QTMAN: variants seen among roughly 807,000 people sequenced by gnomAD.
QTMAN encodes the protein tRNA-queuosine alpha-mannosyltransferase.
the QTMAN span, among the ~76,000 whole-genome samples, chr2:144,210,396 G>T: frequency 5.3e-5 from 8 of 152,146 alleles, no homozygotes; most frequent in Non-Finnish European, 1.2e-4. Context: ...TAAGTAGAAA[G>T]GATCGCTTCA....
the QTMAN span, among the ~76,000 whole-genome samples, chr2:144,069,340 A>G: frequency 6.6e-6 from 1 of 151,744 alleles, no homozygotes; most frequent in Admixed American, 6.6e-5. Flanking sequence ...CTAACCAATG[A>G]CTTCTCCATT....
At chr2:143,957,501 CAAA>C in the QTMAN span, among the ~76,000 whole-genome samples, 1 of 151,966 alleles carries the variant, frequency 6.6e-6, no homozygotes, top group South Asian at 2.1e-4. Flanking sequence ...GAAGCAGAAC[CAAA>C]TGTTAAGGTG....
the QTMAN span, among the ~76,000 whole-genome samples, chr2:144,106,721 T>C: frequency 1.3e-5 from 2 of 152,222 alleles, no homozygotes; most frequent in Non-Finnish European, 1.5e-5. Flanking sequence ...AACAAGGATA[T>C]CCAGCAATTG....
chr2:144,185,902 G>A, the QTMAN span, among the ~76,000 whole-genome samples: 2 of 152,218 alleles, frequency 1.3e-5, no homozygotes, highest in African/African-American at 4.8e-5. Flanking sequence ...TATAGACATA[G>A]GAAAGATAGT....
At chr2:144,147,740 T>C in the QTMAN span, among the ~76,000 whole-genome samples, 1 of 151,826 alleles carries the variant, frequency 6.6e-6, no homozygotes, top group Non-Finnish European at 1.5e-5. Context: ...ATACCTTTTA[T>C]GATGGGGAAA....
chr2:144,231,330 A>C, the QTMAN span, among the ~76,000 whole-genome samples: 1 of 152,154 alleles, frequency 6.6e-6, no homozygotes, highest in Non-Finnish European at 1.5e-5. Flanking sequence ...AATGAAATGA[A>C]GTACTAGTTA....
chr2:144,295,204 A>G, the QTMAN span: 1 of 152,192 alleles, frequency 6.6e-6, no homozygotes. Flanking sequence ...TGGCCTTTGC[A>G]CATGCTGCTC....
the QTMAN span, among the ~76,000 whole-genome samples, chr2:144,309,614 A>G: frequency 1.3e-5 from 2 of 152,222 alleles, no homozygotes; most frequent in African/African-American, 4.8e-5. Context: ...GGGAGGAGTG[A>G]CTACAAACAG....
At chr2:144,060,771 C>A in the QTMAN span, among the ~76,000 whole-genome samples, 22 of 152,222 alleles carry the variant, frequency 1.4e-4, no homozygotes, top group African/African-American at 5.1e-4. Context: ...GAAAATTAAG[C>A]TTTCAAAAAT....
the QTMAN span, among the ~76,000 whole-genome samples, chr2:144,030,833 C>T: frequency 6.6e-6 from 1 of 152,116 alleles, no homozygotes; most frequent in Non-Finnish European, 1.5e-5. Context: ...GGAGTATTCT[C>T]AGACCTGCGG....
chr2:144,039,569 T>C, the QTMAN span, among the ~76,000 whole-genome samples: 1 of 152,196 alleles, frequency 6.6e-6, no homozygotes, highest in African/African-American at 2.4e-5. Context: ...TTTATTTTGT[T>C]CAGTAATGGA....
At chr2:144,178,211 C>G in the QTMAN span, 9 of 152,140 alleles carry the variant, frequency 5.9e-5, no homozygotes, top group Non-Finnish European at 1.0e-4. Flanking sequence ...TCTAAAATTT[C>G]CTAGTGGGTA....
chr2:144,078,012 T>C, the QTMAN span, among the ~76,000 whole-genome samples: 4 of 1,682 alleles, frequency 2.4e-3, no homozygotes, highest in East Asian at 0.22. Context: ...CAAAAATTAT[T>C]TAATGTTTAT....
the QTMAN span, among the ~76,000 whole-genome samples, chr2:144,058,541 C>T: frequency 6.6e-6 from 1 of 152,038 alleles, no homozygotes; most frequent in Non-Finnish European, 1.5e-5. Context: ...ATAAATGAAG[C>T]AAATTTTAGA....
the QTMAN span, chr2:143,940,041 G>A: frequency 1.3e-5 from 2 of 152,026 alleles, no homozygotes; most frequent in Non-Finnish European, 2.9e-5. Flanking sequence ...CACTATTAAC[G>A]TTTTGTACAA....
At chr2:144,186,625 C>T in the QTMAN span, among the ~76,000 whole-genome samples, 4 of 152,178 alleles carry the variant, frequency 2.6e-5, no homozygotes, top group Non-Finnish European at 4.4e-5. Context: ...AAAGCAGAAT[C>T]TGCTTGATGA....
the QTMAN span, among the ~76,000 whole-genome samples, chr2:144,312,115 T>C: frequency 2.0e-5 from 3 of 151,928 alleles, no homozygotes; most frequent in Non-Finnish European, 2.9e-5. Flanking sequence ...AGAGGGGTCA[T>C]CAGTTACAGC....
chr2:144,285,018 T>A, the QTMAN span, among the ~76,000 whole-genome samples: 1 of 149,302 alleles, frequency 6.7e-6, no homozygotes, highest in Non-Finnish European at 1.5e-5. Context: ...GGTGGTAGGA[T>A]CACTTGAGCC....
the QTMAN span, among the ~76,000 whole-genome samples, chr2:144,137,362 T>C: frequency 2.0e-5 from 3 of 152,098 alleles, 1 homozygote; most frequent in Non-Finnish European, 1.5e-5. Context: ...ATAGAATGGC[T>C]CCAGGCTGCT....
Sources: gnomAD v4.1 joint callset for allele counts (sites outside exome capture counted in the v4.1 genomes callset) on GRCh38, gnomAD v4.1.1 for gene constraint, MANE v1.5 for transcripts, NCBI Gene and HGNC (gene_info 2026-07-23, HGNC 2026-07-21) for gene names.